Variants in BBX observed in about 807,000 individuals in gnomAD.
BBX encodes HMG box transcription factor BBX.
BBX carries 30 observed loss-of-function variants against 100.2 expected under a neutral mutation model. The observed-to-expected ratio is 0.30, with a 90% CI of 0.22 to 0.41. The LOEUF (loss-of-function observed/expected upper bound fraction) is 0.41, where lower values mean the gene tolerates loss of function less well. Among genes scored for constraint, BBX ranks in the 10% least tolerant of loss-of-function variants. The pLI is 1.00. For synonymous variants in BBX, 376 were observed against 388.1 expected (o/e 0.97, Z 0.37); for missense variants, 1,023 against 1,129.8 (o/e 0.91, Z 1.35).
intron 3 of BBX, among the ~76,000 whole-genome samples, chr3:107,678,887 T>A (rs1055388447): frequency 6.6e-6 from 1 of 152,156 alleles, no homozygotes; most frequent in African/African-American, 2.4e-5. Context: ...GGCTTAATCC[T>A]CACAATGAAA....
rs944949828 is a variant in BBX, at chr3:107,640,952, C to T, written c.-83-4884C>T. ...GGTGGGATTAACAGGCATGAGCCAG[C>T]GCACCCGGTCTGTTAATAGTTTTTG... On this transcript the variant is annotated intron_variant, in intron 2 of 17. Transcript: ENST00000325805. 3.9e-5 allele frequency among the ~76,000 whole-genome samples: 6 copies of T among 152,206 alleles called. No homozygotes were observed. In the East Asian group the frequency reaches 5.8e-4, roughly 15 times the overall value.
At chr3:107,670,971 T>TA (rs2058992189) in intron 3 of BBX, among the ~76,000 whole-genome samples, 1 of 152,082 alleles carries the variant, frequency 6.6e-6, no homozygotes, top group Non-Finnish European at 1.5e-5. Flanking sequence ...AATATATGGC[T>TA]AGTTGAGGAA....
At chr3:107,652,720 A>G (rs1450889407) in intron 3 of BBX, among the ~76,000 whole-genome samples, 2 of 152,196 alleles carry the variant, frequency 1.3e-5, no homozygotes, top group African/African-American at 4.8e-5. Context: ...TCTATTATAG[A>G]GAAGTGTGTT....
intron 7 of BBX, among the ~76,000 whole-genome samples, chr3:107,740,816 A>T (rs1410311884): frequency 6.6e-6 from 1 of 151,740 alleles, no homozygotes; most frequent in Non-Finnish European, 1.5e-5. Context: ...CACAGAGTGA[A>T]GGCTGCCTCT....
intron 2 of BBX, among the ~76,000 whole-genome samples, chr3:107,625,552 G>T (rs566579256): frequency 6.6e-6 from 1 of 152,326 alleles, no homozygotes; most frequent in East Asian, 1.9e-4. Context: ...CCAAAGTGCT[G>T]TGATTACAGA....
At chr3:107,579,758 G>T (rs2052126700) in intron 2 of BBX, among the ~76,000 whole-genome samples, 1 of 152,154 alleles carries the variant, frequency 6.6e-6, no homozygotes, top group African/African-American at 2.4e-5. Flanking sequence ...TCCCCAGTTT[G>T]CATACTCGGG....
intron 2 of BBX, among the ~76,000 whole-genome samples, chr3:107,613,226 C>T (rs1171405194): frequency 6.7e-5 from 10 of 148,436 alleles, no homozygotes; most frequent in Non-Finnish European, 8.9e-5. Context: ...CTCGCTCTGT[C>T]GCCCAGGCTG....
intron 2 of BBX, among the ~76,000 whole-genome samples, chr3:107,565,626 T>C (rs1378447747): frequency 2.6e-5 from 4 of 151,486 alleles, no homozygotes; most frequent in African/African-American, 4.8e-5. Context: ...CCCACCACCA[T>C]GCCCGGATAA....
intron 17 of BBX, among the ~76,000 whole-genome samples, chr3:107,804,968 A>G (rs914135264): frequency 6.6e-6 from 1 of 152,180 alleles, no homozygotes; most frequent in Non-Finnish European, 1.5e-5. Flanking sequence ...ATACCAATGG[A>G]TCAACAGGAA....
chr3:107,689,040 TCCTTATTTTTTTC>T (rs1225989984), intron 3 of BBX, among the ~76,000 whole-genome samples: 1 of 152,228 alleles, frequency 6.6e-6, no homozygotes, highest in Admixed American at 6.5e-5. Flanking sequence ...CGACAGGTTT[TCCTTATTTTTTTC>T]CCCCTAGAAT....
intron 7 of BBX, among the ~76,000 whole-genome samples, chr3:107,740,121 C>T (rs937503661): frequency 6.6e-6 from 1 of 151,988 alleles, no homozygotes; most frequent in South Asian, 2.1e-4. Context: ...GGTTATGCCC[C>T]CCGTGGCGGC....
intron 3 of BBX, among the ~76,000 whole-genome samples, chr3:107,703,012 A>G (rs1183178268): frequency 6.6e-6 from 1 of 152,168 alleles, no homozygotes; most frequent in Non-Finnish European, 1.5e-5. Flanking sequence ...CAGGTGATCA[A>G]TACGTATGTG....
intron 3 of BBX, among the ~76,000 whole-genome samples, chr3:107,671,552 TTGG>T (rs1175152147): frequency 6.6e-6 from 1 of 152,106 alleles, no homozygotes; most frequent in Non-Finnish European, 1.5e-5. Flanking sequence ...TGTGTATTAT[TTGG>T]TGAAATTAAG....
chr3:107,559,085 G>A (rs948436497), intron 2 of BBX, among the ~76,000 whole-genome samples: 4 of 152,208 alleles, frequency 2.6e-5, no homozygotes, highest in Non-Finnish European at 5.9e-5. Context: ...GTTTGGCTTC[G>A]ATTTGGCTTA....
At chr3:107,537,470 G>C (rs1219970253) in intron 2 of BBX, among the ~76,000 whole-genome samples, 1 of 152,194 alleles carries the variant, frequency 6.6e-6, no homozygotes, top group East Asian at 1.9e-4. Flanking sequence ...AAGAGTTCTA[G>C]CCCAATATGG....
chr3:107,715,614 A>G (rs563584561), intron 4 of BBX, among the ~76,000 whole-genome samples: 2 of 152,336 alleles, frequency 1.3e-5, no homozygotes, highest in Admixed American at 1.3e-4. Context: ...TCCTTAGAAA[A>G]TATTTTACAA....
intron 2 of BBX, among the ~76,000 whole-genome samples, chr3:107,584,684 T>C: frequency 9.0e-6 from 1 of 111,294 alleles, no homozygotes; most frequent in African/African-American, 3.7e-5. Flanking sequence ...TTTTTTTTTT[T>C]TTTTTTTTTT....
chr3:107,791,869 CGCAT>C (rs542835480), intron 15 of BBX, among the ~76,000 whole-genome samples: 128 of 152,198 alleles, frequency 8.4e-4, no homozygotes, highest in African/African-American at 2.9e-3. Flanking sequence ...GCTGTGATAG[CGCAT>C]GCCTGTAATC....
intron 2 of BBX, chr3:107,641,672 G>T (rs757637703): frequency 6.6e-6 from 1 of 152,158 alleles, no homozygotes; most frequent in Non-Finnish European, 1.5e-5. Flanking sequence ...CAACTGAAAG[G>T]CTCTGGGAGT....
Sources: allele counts gnomAD v4.1 joint callset (sites outside exome capture counted in the v4.1 genomes callset), GRCh38; gene constraint gnomAD v4.1.1; transcripts MANE v1.5; gene names NCBI Gene and HGNC (gene_info 2026-07-23, HGNC 2026-07-21).